The following CEP63 variants were observed in gnomAD, a reference collection of about 807,000 sequenced individuals.
The protein encoded by CEP63 is centrosomal protein of 63 kDa.
CEP63 carries 84 observed loss-of-function variants against 89.1 expected under a neutral mutation model. The observed-to-expected ratio is 0.94, with a 90% CI of 0.79 to 1.13. The LOEUF (loss-of-function observed/expected upper bound fraction) is 1.13, where lower values mean the gene tolerates loss of function less well. CEP63 is among the 50% of genes most tolerant of loss of function. CEP63 has a pLI of 0.00. For synonymous variants in CEP63, 267 were observed against 272.5 expected, an observed-to-expected ratio of 0.98 and a Z score of 0.20; for missense variants, 838 against 813.3, an observed-to-expected ratio of 1.03 and a Z score of -0.37.
At chr3:134,516,853 A>G (rs1559918985) in intron 3 of CEP63, among the ~76,000 whole-genome samples, 1 of 152,210 alleles carries the variant, frequency 6.6e-6, no homozygotes, top group Non-Finnish European at 1.5e-5. Context: ...TTCTGCACAG[A>G]CACAGTAACA....
At chr3:134,734,068 A>G in the CEP63 span, among the ~76,000 whole-genome samples, 2 of 152,238 alleles carry the variant, frequency 1.3e-5, no homozygotes, top group African/African-American at 4.8e-5. Flanking sequence ...AGAATTAGAA[A>G]ATAAGTAAAA....
intron 10 of CEP63, among the ~76,000 whole-genome samples, chr3:134,581,453 C>T (rs1958344566): frequency 1.3e-5 from 2 of 151,496 alleles, no homozygotes; most frequent in South Asian, 4.2e-4. Flanking sequence ...TGGTGGTGGG[C>T]ACTGTAGTCC....
chr3:134,756,439 G>C, the CEP63 span, among the ~76,000 whole-genome samples: 5 of 152,330 alleles, frequency 3.3e-5, no homozygotes, highest in Middle Eastern at 3.4e-3. Flanking sequence ...GACCTCCTGG[G>C]CTTAAGCGAT....
At chr3:134,612,600 T>G in the CEP63 span, among the ~76,000 whole-genome samples, 257 of 152,058 alleles carry the variant, frequency 1.7e-3, 4 homozygotes, top group Non-Finnish European at 2.8e-4. Context: ...GGATAGACAT[T>G]CTATAGGAGG....
At chr3:134,629,761 C>G in the CEP63 span, 2 of 912,460 alleles carry the variant, frequency 2.2e-6, no homozygotes, top group South Asian at 2.8e-5. Context: ...TGCCTCATGA[C>G]TGATGATTGA....
At chr3:134,745,726 C>A in the CEP63 span, among the ~76,000 whole-genome samples, 1 of 151,714 alleles carries the variant, frequency 6.6e-6, no homozygotes, top group Non-Finnish European at 1.5e-5. Context: ...ATGTTCCCCG[C>A]CCTGTATCCA....
At chr3:134,734,630 TG>T in the CEP63 span, among the ~76,000 whole-genome samples, 1 of 152,180 alleles carries the variant, frequency 6.6e-6, no homozygotes, top group African/African-American at 2.4e-5. Flanking sequence ...GTCAATTTAT[TG>T]GAAAATGGCA....
At chr3:134,598,743 A>G in the CEP63 span, among the ~76,000 whole-genome samples, 10 of 152,168 alleles carry the variant, frequency 6.6e-5, no homozygotes, top group African/African-American at 2.4e-4. Flanking sequence ...TTGGATAGGG[A>G]TGCATTTACT....
At chr3:134,567,158 A>AC (rs1308493535), downstream of CEP63, among the ~76,000 whole-genome samples, 1 of 151,674 alleles carries the variant, frequency 6.6e-6, no homozygotes, top group Admixed American at 6.6e-5. Context: ...AAAGCAAAAA[A>AC]AAAAAAAATC....
At chr3:134,576,033 C>CT (rs1958206051), downstream of CEP63, among the ~76,000 whole-genome samples, 1 of 152,188 alleles carries the variant, frequency 6.6e-6, no homozygotes, top group African/African-American at 2.4e-5. Flanking sequence ...AATGCAATGA[C>CT]TTTTACATGT....
the CEP63 span, among the ~76,000 whole-genome samples, chr3:134,630,101 C>G: frequency 6.6e-6 from 1 of 152,206 alleles, no homozygotes; most frequent in Non-Finnish European, 1.5e-5. Context: ...AAGGCATTCC[C>G]AAACCCAGAA....
At chr3:134,667,799 C>T in the CEP63 span, among the ~76,000 whole-genome samples, 815 of 152,216 alleles carry the variant, frequency 5.4e-3, 6 homozygotes, top group Admixed American at 0.011. Context: ...ACCAAGACCC[C>T]GGGGCAAAGA....
chr3:134,563,733 T>C lies in CEP63; in HGVS notation c.*2198T>C, dbSNP rs545689997. On this transcript the variant is annotated 3_prime_UTR_variant, in exon 15 of 15. Coordinates refer to ENST00000675561, the MANE Select transcript of CEP63 (RefSeq NM_001353108.3). ...CACTGCACCCAGCCCCAAGGCTTCTTACTGCACTCAGAATAAAATCCAAAT... is the reference window on the plus strand; with the variant it reads ...CACTGCACCCAGCCCCAAGGCTTCTCACTGCACTCAGAATAAAATCCAAAT... 1 of 152,364 alleles carries C rather than the reference T, an allele frequency of 6.6e-6. No individual in the cohort carries two copies. The highest frequency in any genetic ancestry group is 2.1e-4 in the South Asian group (1 of 4,820). 9.4% of individuals were successfully genotyped at this position (152,364 alleles called of 1,614,324 possible). A position where few individuals can be genotyped will look rare whatever the true frequency, so the allele number is the denominator to read the frequency against.
At chr3:134,569,292 T>TA (rs1328717554), downstream of CEP63, among the ~76,000 whole-genome samples, 1 of 152,334 alleles carries the variant, frequency 6.6e-6, no homozygotes, top group African/African-American at 2.4e-5. Flanking sequence ...CAAAAGTCCA[T>TA]AGTCCAAAGT....
chr3:134,695,467 T>C, the CEP63 span, among the ~76,000 whole-genome samples: 1 of 152,232 alleles, frequency 6.6e-6, no homozygotes, highest in Non-Finnish European at 1.5e-5. Context: ...CCTTTCTTGC[T>C]TCCTTGCATC....
chr3:134,748,302 C>G, the CEP63 span, among the ~76,000 whole-genome samples: 1 of 152,164 alleles, frequency 6.6e-6, no homozygotes, highest in Non-Finnish European at 1.5e-5. Context: ...AAATCCTTGT[C>G]TCAGGCTCTG....
intron 1 of CEP63, 92 bp downstream of exon 1, chr3:134,486,294 C>A (rs928392550): frequency 1.0e-6 from 1 of 985,592 alleles, no homozygotes; most frequent in East Asian, 1.1e-4. Flanking sequence ...GTGTCCTGGT[C>A]TGGAGGCGGC....
the CEP63 span, among the ~76,000 whole-genome samples, chr3:134,763,202 G>A: frequency 6.6e-6 from 1 of 151,864 alleles, no homozygotes; most frequent in African/African-American, 2.4e-5. Context: ...TTAACATTAG[G>A]TATATCTCCA....
the CEP63 span, among the ~76,000 whole-genome samples, chr3:134,664,577 G>T: frequency 6.6e-6 from 1 of 152,136 alleles, no homozygotes; most frequent in Non-Finnish European, 1.5e-5. Context: ...GTTTGTGTGG[G>T]GTGGCTCTCT....
Sources: allele counts gnomAD v4.1 joint callset (sites outside exome capture counted in the v4.1 genomes callset), GRCh38; gene constraint gnomAD v4.1.1; transcripts MANE v1.5; gene names NCBI Gene and HGNC (gene_info 2026-07-23, HGNC 2026-07-21).